The following TRPC6 variants were observed in gnomAD, a reference collection of about 807,000 sequenced individuals.
The protein encoded by TRPC6 is transient receptor potential cation channel subfamily C member 6.
A neutral mutation model predicts 90.7 loss-of-function variants in TRPC6; 55 were observed. The observed-to-expected ratio is 0.61, with a 90% CI of 0.49 to 0.76. The LOEUF is 0.76. TRPC6 is among the 30% of genes least tolerant of loss of function. The pLI is 0.00. For missense variants in TRPC6, 989 were observed against 1,122.7 expected (o/e 0.88, Z 1.70); for synonymous variants, 393 against 393.0 (o/e 1.00, Z 0.00).
chr11:101,487,424 C>G (rs959439921), intron 4 of TRPC6, among the ~76,000 whole-genome samples: 1 of 152,046 alleles, frequency 6.6e-6, no homozygotes, highest in Non-Finnish European at 1.5e-5. Context: ...TTTTGTTACA[C>G]CAGTATACTG....
chr11:101,485,126 T>TACACACACACACACACACACACACACAC (rs10639907), intron 4 of TRPC6, among the ~76,000 whole-genome samples: 3 of 143,856 alleles, frequency 2.1e-5, no homozygotes, highest in Non-Finnish European at 4.6e-5. Flanking sequence ...GGCCAAAGAA[T>TACACACACACACACACACACACACACAC]ACACACACAC....
At chr11:101,486,210 T>C (rs1859676441) in intron 4 of TRPC6, among the ~76,000 whole-genome samples, 1 of 152,152 alleles carries the variant, frequency 6.6e-6, no homozygotes, top group Non-Finnish European at 1.5e-5. Flanking sequence ...ATTGTATTTC[T>C]CTTCAAACTG....
intron 2 of TRPC6, among the ~76,000 whole-genome samples, chr11:101,492,074 C>T (rs1474234801): frequency 2.6e-5 from 4 of 151,882 alleles, no homozygotes; most frequent in East Asian, 2.0e-4. Flanking sequence ...CTCCTGACCT[C>T]ATGATCCGCC....
intron 2 of TRPC6, 96 bp from the exon 3 acceptor site, chr11:101,491,834 T>C (rs1051759312): frequency 2.5e-6 from 2 of 815,804 alleles, no homozygotes; most frequent in East Asian, 6.3e-5. Flanking sequence ...AAGAGAAACA[T>C]TCTTTTTTTT....
At position 101,504,396 on chromosome 11, in the gene TRPC6, C is replaced by A. The variant is rs764428462; in HGVS notation, c.573G>T (p.Arg191Ser). The change falls in exon 2 of 13, where the codon AGG becomes AGT. Residue 191 changes from arginine (R) to serine (S), a missense_variant. Transcript: ENST00000344327. ...LSHPAFAEGK[R>S]LATSPSQSEL... ...CAGACTGGCTAGGGCTGGTTGCTAA[C>A]CTCTTGCCTTCAGCAAAAGCCGGAT... The A allele has an allele frequency of 6.2e-7, 1 of 1,614,086 alleles. No homozygotes were observed. The highest frequency in any genetic ancestry group is 8.5e-7 in the Non-Finnish European group (1 of 1,180,014).
intron 1 of TRPC6, among the ~76,000 whole-genome samples, chr11:101,556,983 G>C (rs970140771): frequency 1.3e-5 from 2 of 152,132 alleles, no homozygotes; most frequent in Non-Finnish European, 1.5e-5. Context: ...TTAGATATAG[G>C]AAAAGCATTT....
At chr11:101,528,190 C>G (rs1019269535) in intron 1 of TRPC6, among the ~76,000 whole-genome samples, 15 of 152,044 alleles carry the variant, frequency 9.9e-5, no homozygotes, top group African/African-American at 3.4e-4. Flanking sequence ...TCTTTACTAT[C>G]TTAAAGAATG....
At chr11:101,481,739 C>A (rs1430673189) in intron 5 of TRPC6, among the ~76,000 whole-genome samples, 1 of 152,188 alleles carries the variant, frequency 6.6e-6, no homozygotes, top group Non-Finnish European at 1.5e-5. Flanking sequence ...CATTGAGTCT[C>A]AGCCTCTGGA....
rs186074925 is a variant in TRPC6 at position 101,577,471 on chromosome 11, A to G, written c.170+5863T>C. Among the ~76,000 whole-genome samples the G allele has an allele frequency of 2.3e-3, 357 of 152,308 alleles. 2 individuals are homozygous for G. Among genetic ancestry groups the G allele is most frequent in the Non-Finnish European group, 4.0e-3 (270 of 68,018 alleles). ...GTGGTATCTTTGCTTAAAGGAGTAG[A>G]CATATCTAATGTCAATCATCTAGGA... On this transcript the variant is annotated intron_variant, in intron 1 of 12. Coordinates refer to ENST00000344327, the MANE Select transcript of TRPC6 (RefSeq NM_004621.6).
intron 1 of TRPC6, among the ~76,000 whole-genome samples, chr11:101,524,410 A>C (rs1056203947): frequency 9.9e-5 from 15 of 152,040 alleles, no homozygotes; most frequent in African/African-American, 3.4e-4. Context: ...CACCATGCCC[A>C]GCTAATTTTT....
At chr11:101,505,657 C>A (rs1860244894) in intron 1 of TRPC6, among the ~76,000 whole-genome samples, 1 of 152,166 alleles carries the variant, frequency 6.6e-6, no homozygotes, top group Non-Finnish European at 1.5e-5. Context: ...AAAAACACTT[C>A]TATGGTGCAG....
chr11:101,537,781 GATA>G (rs1220515629), intron 1 of TRPC6, among the ~76,000 whole-genome samples: 2 of 151,824 alleles, frequency 1.3e-5, no homozygotes, highest in African/African-American at 4.8e-5. Context: ...AAAGTCTGAT[GATA>G]ATTTACATTT....
chr11:101,455,580 C>T (rs994849762), intron 10 of TRPC6: 1 of 159,470 alleles, frequency 6.3e-6, no homozygotes, highest in Non-Finnish European at 1.4e-5. Context: ...AAAAAAAGCT[C>T]TAATTAATGT....
chr11:101,545,367 T>A (rs1861278445), intron 1 of TRPC6, among the ~76,000 whole-genome samples: 3 of 152,164 alleles, frequency 2.0e-5, no homozygotes, highest in Admixed American at 2.0e-4. Flanking sequence ...ACTACCCCAT[T>A]TTATATCAGG....
chr11:101,494,529 G>A (rs778280545), intron 2 of TRPC6, among the ~76,000 whole-genome samples: 7 of 152,066 alleles, frequency 4.6e-5, no homozygotes, highest in Non-Finnish European at 7.4e-5. Context: ...AAAATTTAAC[G>A]CACCTGGCTT....
chr11:101,470,643 T>G (rs748817407), intron 9 of TRPC6, among the ~76,000 whole-genome samples: 1 of 152,178 alleles, frequency 6.6e-6, no homozygotes. Context: ...TTATTTTTTT[T>G]AAAGATTGCA....
intron 10 of TRPC6, among the ~76,000 whole-genome samples, chr11:101,464,285 GA>G (rs1859087066): frequency 6.6e-6 from 1 of 152,212 alleles, no homozygotes. Flanking sequence ...TTGGGGTGGA[GA>G]GTTCTGTAGA....
chr11:101,453,829 G>C lies in TRPC6; in HGVS notation c.2569-104C>G. The C allele has an allele frequency of 3.8e-6, 4 of 1,041,002 alleles. No individual in the cohort carries two copies. The South Asian group carries it at 5.2e-5, about 14-fold the overall frequency. The allele number at this position is 1,041,002 out of a possible 1,614,324, so 64.5% of individuals were successfully genotyped here. A position where few individuals can be genotyped will look rare whatever the true frequency, so the allele number is the denominator to read the frequency against. ...CTTCCTCCCTGTAGTGAGCCCTTTGGAAGTGATGGCTGTCAAGGACTAAGA... is the reference window on the plus strand; with the variant it reads ...CTTCCTCCCTGTAGTGAGCCCTTTGCAAGTGATGGCTGTCAAGGACTAAGA... On this transcript the variant is annotated intron_variant, in intron 11 of 12. Coordinates refer to ENST00000344327, the MANE Select transcript of TRPC6 (RefSeq NM_004621.6).
At chr11:101,540,299 G>A (rs560126306) in intron 1 of TRPC6, among the ~76,000 whole-genome samples, 2 of 152,304 alleles carry the variant, frequency 1.3e-5, no homozygotes, top group Non-Finnish European at 1.5e-5. Flanking sequence ...CAGGGTCTAA[G>A]GAACATTGTG....
Sources: allele counts gnomAD v4.1 joint callset (sites outside exome capture counted in the v4.1 genomes callset), GRCh38; gene constraint gnomAD v4.1.1; transcripts MANE v1.5; gene names NCBI Gene and HGNC (gene_info 2026-07-23, HGNC 2026-07-21).